BNC2: variants seen among roughly 807,000 people sequenced by gnomAD.
BNC2 encodes the protein zinc finger protein basonuclin-2.
In BNC2, 20 loss-of-function variants were observed where a neutral mutation model predicts 76.3. The ratio of observed to expected loss-of-function variants is 0.26; its 90% CI spans 0.18 to 0.38. BNC2 has a LOEUF of 0.38. BNC2 is among the 10% of genes least tolerant of loss of function. The pLI is 1.00. For missense variants in BNC2, 1,382 were observed against 1,399.8 expected (o/e 0.99, Z 0.20); for synonymous variants, 582 against 514.8 (o/e 1.13, Z -1.77).
At chr9:16,835,196 C>T (rs941221613) in intron 1 of BNC2, among the ~76,000 whole-genome samples, 8 of 152,138 alleles carry the variant, frequency 5.3e-5, no homozygotes, top group African/African-American at 9.7e-5. Flanking sequence ...AAACATTATT[C>T]GTCTTTTCTG....
intron 3 of BNC2, among the ~76,000 whole-genome samples, chr9:16,672,133 G>T (rs902182921): frequency 2.6e-5 from 4 of 152,150 alleles, no homozygotes; most frequent in Non-Finnish European, 5.9e-5. Context: ...GAGATCTGGG[G>T]CACTCCTATG....
At chr9:16,831,815 G>C (rs759162684) in intron 1 of BNC2, among the ~76,000 whole-genome samples, 1 of 152,116 alleles carries the variant, frequency 6.6e-6, no homozygotes, top group Non-Finnish European at 1.5e-5. Context: ...CACACCAATT[G>C]CATCAAGCTC....
chr9:16,723,402 A>C (rs1361500798), intron 3 of BNC2, among the ~76,000 whole-genome samples: 1 of 152,114 alleles, frequency 6.6e-6, no homozygotes, highest in East Asian at 1.9e-4. Context: ...ATGAACTATA[A>C]AGAAGACCCA....
intron 1 of BNC2, among the ~76,000 whole-genome samples, chr9:16,861,337 G>A (rs1819406004): frequency 6.6e-6 from 1 of 151,564 alleles, no homozygotes; most frequent in Non-Finnish European, 1.5e-5. Flanking sequence ...CTGCACAACA[G>A]AACTAGAAAG....
chr9:16,711,457 T>C (rs1280093607), intron 3 of BNC2, among the ~76,000 whole-genome samples: 1 of 152,088 alleles, frequency 6.6e-6, no homozygotes, highest in Non-Finnish European at 1.5e-5. Context: ...ATGGGTCAAC[T>C]AGGAAAAAAA....
chr9:16,832,726 C>CT lies in BNC2; in HGVS notation c.3+37919dup, dbSNP rs374753990. On this transcript the variant is annotated intron_variant, in intron 1 of 6. Coordinates refer to ENST00000380672, the MANE Select transcript of BNC2 (RefSeq NM_017637.6). ...GAGAAAAGTCCCTGAATCCAAATTC[C>CT]TTTTTTTTTTCTTTTTTTGAGATGG... 5.6e-3 allele frequency among the ~76,000 whole-genome samples: 830 copies of CT among 148,770 alleles called. 5 individuals are homozygous for CT. Among genetic ancestry groups the CT allele is most frequent in the African/African-American group, 0.018 (733 of 40,626 alleles).
At chr9:16,597,792 T>C (rs1820133447) in intron 3 of BNC2, among the ~76,000 whole-genome samples, 1 of 152,088 alleles carries the variant, frequency 6.6e-6, no homozygotes, top group South Asian at 2.1e-4. Flanking sequence ...ACAAAGCTAG[T>C]TGTGATTTAA....
chr9:16,763,936 A>C (rs1404976011), intron 1 of BNC2, among the ~76,000 whole-genome samples: 1 of 152,228 alleles, frequency 6.6e-6, no homozygotes, highest in Non-Finnish European at 1.5e-5. Flanking sequence ...ATCACTCCCT[A>C]CCGGAAGACT....
At chr9:16,864,008 TAAA>T (rs1819476057) in intron 1 of BNC2, among the ~76,000 whole-genome samples, 1 of 152,168 alleles carries the variant, frequency 6.6e-6, no homozygotes, top group Admixed American at 6.5e-5. Context: ...TCAGAATTCT[TAAA>T]AAGGTAATTC....
At chr9:16,757,921 T>C (rs994202061) in intron 1 of BNC2, among the ~76,000 whole-genome samples, 5 of 152,150 alleles carry the variant, frequency 3.3e-5, no homozygotes, top group African/African-American at 1.2e-4. Context: ...CAAAGCAAGG[T>C]ATATTAGTTT....
intron 1 of BNC2, among the ~76,000 whole-genome samples, chr9:16,800,590 G>A (rs1474301833): frequency 6.6e-6 from 1 of 151,858 alleles, no homozygotes; most frequent in African/African-American, 2.4e-5. Flanking sequence ...CATTGATCAT[G>A]TATTTCTAAG....
intron 1 of BNC2, among the ~76,000 whole-genome samples, chr9:16,777,975 C>G (rs760603903): frequency 3.3e-5 from 5 of 152,156 alleles, no homozygotes; most frequent in Non-Finnish European, 7.3e-5. Context: ...ATACTATTAT[C>G]TAACTTCTAC....
chr9:16,569,003 G>GTTTTTT (rs373012680), intron 4 of BNC2, among the ~76,000 whole-genome samples: 8,293 of 135,528 alleles, frequency 0.061, 731 homozygotes, highest in African/African-American at 0.19. Flanking sequence ...TGCTTCTAGA[G>GTTTTTT]TTTTTTTTTT....
intron 5 of BNC2, among the ~76,000 whole-genome samples, chr9:16,507,504 C>G (rs1201423098): frequency 2.0e-5 from 3 of 152,116 alleles, no homozygotes; most frequent in Non-Finnish European, 4.4e-5. Context: ...TTTCAGCTTA[C>G]TGCAACCTCC....
intron 3 of BNC2, among the ~76,000 whole-genome samples, chr9:16,663,277 C>G (rs1379228727): frequency 6.6e-6 from 1 of 151,766 alleles, no homozygotes; most frequent in Admixed American, 6.6e-5. Flanking sequence ...TGATTACAGG[C>G]GCCCGCCACC....
chr9:16,781,458 TCAGCCA>T (rs922833165), intron 1 of BNC2, among the ~76,000 whole-genome samples: 1 of 152,202 alleles, frequency 6.6e-6, no homozygotes, highest in Non-Finnish European at 1.5e-5. Context: ...TTCTCCTGCC[TCAGCCA>T]CCCGAGCAGC....
intron 5 of BNC2, among the ~76,000 whole-genome samples, chr9:16,521,628 G>A (rs1817622719): frequency 6.6e-6 from 1 of 152,164 alleles, no homozygotes; most frequent in Non-Finnish European, 1.5e-5. Flanking sequence ...CTATGTGTGT[G>A]CCTTTATGGT....
chr9:16,533,140 T>C (rs1185486411), intron 5 of BNC2, among the ~76,000 whole-genome samples: 1 of 152,220 alleles, frequency 6.6e-6, no homozygotes, highest in African/African-American at 2.4e-5. Context: ...AAATTAACTA[T>C]AAATTTTATT....
chr9:16,677,712 G>A (rs1822694553), intron 3 of BNC2, among the ~76,000 whole-genome samples: 1 of 152,030 alleles, frequency 6.6e-6, no homozygotes. Context: ...TGTGTCCGGA[G>A]TTAAGAAGGG....
Sources: gnomAD v4.1 joint callset for allele counts (sites outside exome capture counted in the v4.1 genomes callset) on GRCh38, gnomAD v4.1.1 for gene constraint, MANE v1.5 for transcripts, NCBI Gene and HGNC (gene_info 2026-07-23, HGNC 2026-07-21) for gene names.